Variants in AGBL1 observed in about 807,000 individuals in gnomAD.
AGBL1 encodes the protein cytosolic carboxypeptidase 4.
AGBL1 carries 130 observed loss-of-function variants against 118.9 expected under a neutral mutation model. The observed-to-expected ratio is 1.09, with a 90% confidence interval of 0.95 to 1.26. AGBL1 has a LOEUF of 1.26. Ranked by LOEUF, AGBL1 falls within the 50% of genes most tolerant of loss-of-function variation. The pLI, the probability that AGBL1 is intolerant of heterozygous loss-of-function variation, is 0.00. For synonymous variants in AGBL1, 555 were observed against 478.9 expected (o/e 1.16, Z -2.08); for missense variants, 1,584 against 1,298.1 (o/e 1.22, Z -3.38).
chr15:86,141,334 A>G (rs28399871), intron 1 of AGBL1, among the ~76,000 whole-genome samples: 6,719 of 152,244 alleles, frequency 0.044, 484 homozygotes, highest in African/African-American at 0.15. Context: ...ATTTTAGTGG[A>G]TTTCTGTTTC....
chr15:86,187,074 G>C (rs1203645279), intron 5 of AGBL1, among the ~76,000 whole-genome samples: 2 of 152,112 alleles, frequency 1.3e-5, no homozygotes, highest in East Asian at 3.9e-4. Context: ...CTTCGTTTTT[G>C]TGTTTAAGCA....
At chr15:87,003,918 C>T (rs969117401) in intron 24 of AGBL1, among the ~76,000 whole-genome samples, 10 of 150,470 alleles carry the variant, frequency 6.6e-5, no homozygotes, top group East Asian at 1.9e-4. Context: ...AAAACCAGCT[C>T]CTGGATTCAT....
chr15:86,106,601 T>G (rs1897067460), intron 1 of AGBL1, among the ~76,000 whole-genome samples: 1 of 152,238 alleles, frequency 6.6e-6, no homozygotes. Context: ...CTCTGCTGAT[T>G]GTCTTAAAAT....
At position 86,266,374 on chromosome 15, in the gene AGBL1, G is replaced by T. The variant is rs769037922; in HGVS notation, c.1668G>T (p.Arg556Ser). The change falls in exon 12 of 23, where the codon AGG (arginine) becomes AGT (serine). Residue 556 changes from arginine to serine, a missense_variant and splice_region_variant. Transcript: ENST00000614907. Reference protein sequence around the residue: ...PMLERKCGVQRIRIFEDIRRL... With the variant: ...PMLERKCGVQSIRIFEDIRRL... ...AAATGTTTTCAATTTTCTTTTTCAG[G>T]ATCAGGATATTTGAGGATATTCGGA... 6.4e-6 allele frequency: 10 copies of T among 1,571,066 alleles called. No individual in the cohort carries two copies. The East Asian group carries it at 2.3e-4, about 36-fold the overall frequency.
intron 22 of AGBL1, among the ~76,000 whole-genome samples, chr15:86,827,120 C>A (rs925129915): frequency 2.7e-5 from 4 of 149,972 alleles, no homozygotes; most frequent in African/African-American, 7.4e-5. Flanking sequence ...GTATGAGGAG[C>A]AGGAAATAAC....
chr15:86,631,550 G>C (rs1399044852), intron 21 of AGBL1, among the ~76,000 whole-genome samples: 1 of 152,150 alleles, frequency 6.6e-6, no homozygotes, highest in Non-Finnish European at 1.5e-5. Context: ...CTAATTCTTT[G>C]AGACCTGTAG....
intron 22 of AGBL1, among the ~76,000 whole-genome samples, chr15:86,851,334 C>A (rs2079404207): frequency 6.6e-6 from 1 of 152,152 alleles, no homozygotes; most frequent in Non-Finnish European, 1.5e-5. Flanking sequence ...TCTACTAGAA[C>A]TGGCTCACTC....
chr15:86,411,410 C>T (rs1221371085), intron 18 of AGBL1, among the ~76,000 whole-genome samples: 1 of 152,134 alleles, frequency 6.6e-6, no homozygotes, highest in East Asian at 1.9e-4. Flanking sequence ...GCTCTCTGTT[C>T]TGGATCACTC....
intron 21 of AGBL1, among the ~76,000 whole-genome samples, chr15:86,643,340 C>T (rs1470717669): frequency 6.6e-6 from 1 of 151,960 alleles, no homozygotes; most frequent in Admixed American, 6.6e-5. Context: ...CCAAAGATAA[C>T]CTTTATTTTA....
chr15:86,333,217 A>C (rs1441904310), intron 17 of AGBL1, among the ~76,000 whole-genome samples: 4 of 152,192 alleles, frequency 2.6e-5, no homozygotes, highest in South Asian at 2.1e-4. Flanking sequence ...GAGACTCCAA[A>C]ATCCATACAA....
At chr15:86,787,096 G>C (rs1055315481) in intron 22 of AGBL1, among the ~76,000 whole-genome samples, 2 of 152,014 alleles carry the variant, frequency 1.3e-5, no homozygotes, top group Non-Finnish European at 2.9e-5. Context: ...AATATTTAAT[G>C]GGTATTCTTT....
chr15:86,286,314 A>G (rs1285549965), intron 16 of AGBL1, among the ~76,000 whole-genome samples: 1 of 152,134 alleles, frequency 6.6e-6, no homozygotes, highest in African/African-American at 2.4e-5. Context: ...TGTGGTGAGA[A>G]CACTTAAAAT....
intron 22 of AGBL1, among the ~76,000 whole-genome samples, chr15:86,827,916 G>A: frequency 1.2e-5 from 1 of 85,702 alleles, no homozygotes; most frequent in East Asian, 4.6e-4. Flanking sequence ...AATTAACATA[G>A]TCTCTGGCAC....
intron 22 of AGBL1, among the ~76,000 whole-genome samples, chr15:86,817,626 TACACACACACAC>T (rs762608485): frequency 9.2e-5 from 9 of 98,122 alleles, no homozygotes. Context: ...GAGACAGGCA[TACACACACACAC>T]ACACACACAG....
At chr15:86,284,303 A>T (rs1226526803) in intron 16 of AGBL1, among the ~76,000 whole-genome samples, 2 of 151,906 alleles carry the variant, frequency 1.3e-5, no homozygotes, top group African/African-American at 2.4e-5. Flanking sequence ...TTTCCAAATC[A>T]TCATAATATA....
chr15:86,178,838 T>C (rs1261097114), intron 5 of AGBL1, among the ~76,000 whole-genome samples: 4 of 152,224 alleles, frequency 2.6e-5, no homozygotes, highest in African/African-American at 9.6e-5. Context: ...AATGGAATTT[T>C]ATTCAGCCAT....
At chr15:86,499,799 G>A (rs2082897786) in intron 18 of AGBL1, among the ~76,000 whole-genome samples, 1 of 151,880 alleles carries the variant, frequency 6.6e-6, no homozygotes, top group Non-Finnish European at 1.5e-5. Context: ...GTAAGTGAAA[G>A]TAGTGACCTG....
chr15:86,827,221 T>A (rs2079023434), intron 22 of AGBL1, among the ~76,000 whole-genome samples: 2 of 143,568 alleles, frequency 1.4e-5, no homozygotes, highest in African/African-American at 5.1e-5. Context: ...AGAGTTGGGG[T>A]ATAAGAAAGC....
intron 22 of AGBL1, among the ~76,000 whole-genome samples, chr15:86,828,859 A>C (rs1051110524): frequency 2.0e-5 from 3 of 150,864 alleles, no homozygotes; most frequent in Non-Finnish European, 2.9e-5. Flanking sequence ...GCTGTGATAA[A>C]GTTTAAAATT....
Sources: gnomAD v4.1 joint callset for allele counts (sites outside exome capture counted in the v4.1 genomes callset) on GRCh38, gnomAD v4.1.1 for gene constraint, MANE v1.5 for transcripts, NCBI Gene and HGNC (gene_info 2026-07-23, HGNC 2026-07-21) for gene names.